RIMS2: variants seen among roughly 807,000 people sequenced by gnomAD.
RIMS2 encodes the protein regulating synaptic membrane exocytosis protein 2.
A neutral mutation model predicts 174.4 loss-of-function variants in RIMS2; 59 were observed. That is an observed-to-expected ratio of 0.34 (90% CI 0.27 to 0.42). The LOEUF is 0.42. Ranked by LOEUF, RIMS2 falls within the 10% of genes least tolerant of loss-of-function variation. The probability of loss-of-function intolerance (pLI) is 1.00; values close to 1 mark genes in which losing one functional copy is unlikely to be tolerated. For missense variants in RIMS2, 1,620 were observed against 1,666.3 expected, an observed-to-expected ratio of 0.97 and a Z score of 0.48; for synonymous variants, 606 against 572.5, an observed-to-expected ratio of 1.06 and a Z score of -0.84.
At chr8:103,857,986 T>C (rs894700578) in intron 3 of RIMS2, among the ~76,000 whole-genome samples, 1 of 152,160 alleles carries the variant, frequency 6.6e-6, no homozygotes, top group Non-Finnish European at 1.5e-5. Flanking sequence ...ATATCCAAAA[T>C]CCAGGATTAT....
At chr8:104,239,143 C>A (rs2099273923) in intron 19 of RIMS2, among the ~76,000 whole-genome samples, 1 of 152,270 alleles carries the variant, frequency 6.6e-6, no homozygotes, top group Non-Finnish European at 1.5e-5. Context: ...TTGGGTGGGG[C>A]TTAAAATAGT....
chr8:103,731,327 T>C (rs930025335), intron 2 of RIMS2, among the ~76,000 whole-genome samples: 4 of 152,216 alleles, frequency 2.6e-5, no homozygotes, highest in African/African-American at 9.6e-5. Flanking sequence ...CTGCCAGACA[T>C]ATTGGAGCTG....
At chr8:103,625,193 T>A (rs34709405) in intron 1 of RIMS2, among the ~76,000 whole-genome samples, 25,823 of 151,382 alleles carry the variant, frequency 0.17, 2,346 homozygotes, top group African/African-American at 0.21. Context: ...TTTTTTTTTT[T>A]ATTATACTTT....
At chr8:104,092,833 G>A (rs756883097) in intron 19 of RIMS2, among the ~76,000 whole-genome samples, 10 of 151,848 alleles carry the variant, frequency 6.6e-5, no homozygotes, top group African/African-American at 2.4e-4. Flanking sequence ...AAGCATTTAC[G>A]ATGGTTTTTA....
intron 21 of RIMS2, 83 bp from the exon 28 acceptor site, chr8:104,249,404 G>A (rs890638996): frequency 2.5e-5 from 16 of 630,208 alleles, no homozygotes; most frequent in Non-Finnish European, 4.0e-5. Context: ...ATGATGAAAC[G>A]ATGTTAAACC....
chr8:104,232,550 G>C (rs1164374341), intron 19 of RIMS2, among the ~76,000 whole-genome samples: 1 of 152,160 alleles, frequency 6.6e-6, no homozygotes, highest in African/African-American at 2.4e-5. Context: ...TGGGCTGTAG[G>C]TTAGGAGTGA....
intron 6 of RIMS2, among the ~76,000 whole-genome samples, chr8:103,912,697 T>C (rs2075910926): frequency 6.6e-6 from 1 of 152,114 alleles, no homozygotes; most frequent in Non-Finnish European, 1.5e-5. Flanking sequence ...ATAATTATGC[T>C]GGGAGATTAA....
rs2094071590 is a variant in RIMS2 at position 103,588,253 on chromosome 8, A to T, written c.176+87191A>T. Among the ~76,000 whole-genome samples the T allele has an allele frequency of 3.3e-5, 5 of 152,038 alleles. No individual in the cohort carries two copies. The South Asian group carries it at 1.0e-3, about 31-fold the overall frequency. ...ACACTGAAGAAAAAAATTAAAGAGG[A>T]CACCAAAAAATGGAAAGATATTCCA... is the stretch of plus-strand genomic sequence containing the variant. On this transcript the variant is annotated intron_variant, in intron 1 of 23. Transcript: ENST00000504942.
chr8:103,599,554 T>C (rs945379674), intron 1 of RIMS2, among the ~76,000 whole-genome samples: 2 of 151,512 alleles, frequency 1.3e-5, no homozygotes, highest in Non-Finnish European at 2.9e-5. Context: ...TCCTCCCACC[T>C]CAGCCTCCAG....
In RIMS2 at chr8:103,600,478, C is replaced by T. The variant is rs147456277; in HGVS notation, c.177-96608C>T. Among the ~76,000 whole-genome samples the T allele has an allele frequency of 3.1e-3, 472 of 152,136 alleles. 2 individuals carry two copies. Among genetic ancestry groups the T allele is most frequent in the African/African-American group, 9.6e-3 (399 of 41,508 alleles). On this transcript the variant is annotated intron_variant, in intron 1 of 23. Coordinates refer to ENST00000504942, the Ensembl canonical transcript of RIMS2. The stretch of plus-strand genomic sequence containing the variant: ...TAGACATGGGGTTTTGCCATATTGG[C>T]GAGGCTGGTCTTGAACTCCTGACCT...
chr8:103,763,366 G>T (rs1308106850), intron 2 of RIMS2, among the ~76,000 whole-genome samples: 1 of 151,904 alleles, frequency 6.6e-6, no homozygotes, highest in Non-Finnish European at 1.5e-5. Flanking sequence ...AACTTGGGAG[G>T]TTGAGGCTAC....
intron 19 of RIMS2, among the ~76,000 whole-genome samples, chr8:104,066,037 A>G (rs538489835): frequency 2.0e-5 from 3 of 152,336 alleles, no homozygotes; most frequent in Middle Eastern, 6.8e-3. Context: ...CTGTTAAACC[A>G]ATATGCCAGA....
At chr8:103,591,537 T>A (rs1303784786) in intron 1 of RIMS2, among the ~76,000 whole-genome samples, 1 of 151,308 alleles carries the variant, frequency 6.6e-6, no homozygotes, top group Non-Finnish European at 1.5e-5. Flanking sequence ...TTTATAGGTT[T>A]AACTTTTATG....
chr8:103,614,002 G>A (rs4431562), intron 1 of RIMS2, among the ~76,000 whole-genome samples: 27,722 of 152,196 alleles, frequency 0.18, 2,768 homozygotes, highest in African/African-American at 0.26. Flanking sequence ...TGGGTGTTCA[G>A]GAAGGGATGG....
chr8:103,794,437 A>G lies in RIMS2; in HGVS notation c.698+27900A>G, dbSNP rs557291794. ...CAACTTATACAAAAATTAATTTATG[A>G]TGGATTAAAGACTTAAATGTTAGAC... On this transcript the variant is annotated intron_variant, in intron 3 of 23. Coordinates refer to ENST00000504942, the Ensembl canonical transcript of RIMS2. 4.6e-5 allele frequency among the ~76,000 whole-genome samples: 7 copies of G among 152,352 alleles called. No homozygotes were observed. The East Asian group carries it at 1.3e-3, about 29-fold the overall frequency.
chr8:103,923,851 C>A (rs1381383602), intron 10 of RIMS2, among the ~76,000 whole-genome samples: 1 of 151,622 alleles, frequency 6.6e-6, no homozygotes, highest in African/African-American at 2.4e-5. Context: ...AATCCTGACA[C>A]TGAAATATAA....
intron 13 of RIMS2, among the ~76,000 whole-genome samples, chr8:103,941,253 A>G (rs867804170): frequency 2.7e-4 from 41 of 149,724 alleles, no homozygotes; most frequent in African/African-American, 9.5e-4. Flanking sequence ...AAGCGGAGAC[A>G]GGGGGATAGC....
chr8:103,988,031 G>T (rs11773987), intron 16 of RIMS2, among the ~76,000 whole-genome samples: 19,323 of 152,130 alleles, frequency 0.13, 1,700 homozygotes, highest in Non-Finnish European at 0.19. Context: ...ACAATCAAAA[G>T]TTTGTGTGCA....
chr8:104,132,336 G>A (rs943389473), intron 19 of RIMS2, among the ~76,000 whole-genome samples: 2 of 152,038 alleles, frequency 1.3e-5, no homozygotes, highest in African/African-American at 4.8e-5. Context: ...ATTTCATTAA[G>A]TTTACAGTTG....
Sources: allele counts gnomAD v4.1 joint callset (sites outside exome capture counted in the v4.1 genomes callset), GRCh38; gene constraint gnomAD v4.1.1; transcripts MANE v1.5; gene names NCBI Gene and HGNC (gene_info 2026-07-23, HGNC 2026-07-21).